Variants in TMEM150C observed in about 807,000 individuals in gnomAD.
TMEM150C encodes transmembrane protein 150C, also known as tentonin 3.
A neutral mutation model predicts 29.9 loss-of-function variants in TMEM150C; 10 were observed. The observed-to-expected ratio is 0.33, with a 90% CI of 0.21 to 0.57. The LOEUF (loss-of-function observed/expected upper bound fraction) is 0.57. Ranked by LOEUF, TMEM150C falls within the 20% of genes least tolerant of loss-of-function variation. TMEM150C has a pLI of 0.88. For missense variants in TMEM150C, 251 were observed against 303.6 expected (o/e 0.83, Z 1.29); for synonymous variants, 101 against 112.5 (o/e 0.90, Z 0.64).
chr4:82,551,746 G>C (rs1725590887), intron 1 of TMEM150C, among the ~76,000 whole-genome samples: 1 of 152,124 alleles, frequency 6.6e-6, no homozygotes, highest in Non-Finnish European at 1.5e-5. Context: ...ACCCTAGGAT[G>C]CCTCTCAATT....
At chr4:82,523,319 G>T (rs532136275) in intron 1 of TMEM150C, among the ~76,000 whole-genome samples, 88 of 152,308 alleles carry the variant, frequency 5.8e-4, no homozygotes, top group African/African-American at 2.0e-3. Context: ...GGAGGAGGCG[G>T]TGTTTGATTT....
In TMEM150C at chr4:82,490,044, T is replaced by C. The variant is rs2276884; in HGVS notation, c.541+17A>G. On this transcript the variant is annotated intron_variant, in intron 7 of 7. Transcript: ENST00000449862. ...TCATCTTACTGGCAAAAGAAGCTTTTCACGTTCAAAGGATACAGAGGACCA... is the reference window on the plus strand; with the variant it reads ...TCATCTTACTGGCAAAAGAAGCTTTCCACGTTCAAAGGATACAGAGGACCA... 0.2 allele frequency: 328,275 copies of C among 1,606,296 alleles called. 34,530 individuals carry two copies. The highest frequency in any genetic ancestry group is 0.25 in the Admixed American group (14,957 of 59,268).
chr4:82,546,524 C>A (rs1410782991), intron 1 of TMEM150C, among the ~76,000 whole-genome samples: 1 of 152,108 alleles, frequency 6.6e-6, no homozygotes, highest in Non-Finnish European at 1.5e-5. Context: ...GCTGGCTAGC[C>A]TTATGCAGAA....
At chr4:82,508,677 G>A (rs1724018562) in intron 1 of TMEM150C, among the ~76,000 whole-genome samples, 1 of 152,066 alleles carries the variant, frequency 6.6e-6, no homozygotes, top group Non-Finnish European at 1.5e-5. Context: ...TGTTGGCCAG[G>A]CTAGTCTCGA....
intron 1 of TMEM150C, among the ~76,000 whole-genome samples, chr4:82,533,734 T>C (rs1290448503): frequency 6.6e-6 from 1 of 152,092 alleles, no homozygotes; most frequent in Non-Finnish European, 1.5e-5. Flanking sequence ...GTTTAAGGAG[T>C]AGTTAAGCTA....
At chr4:82,491,345 AGT>A (rs1723339968) in intron 6 of TMEM150C, 1 of 650,210 alleles carries the variant, frequency 1.5e-6, no homozygotes, top group East Asian at 2.7e-5. Flanking sequence ...TAAGCAGCTG[AGT>A]AGCTGCTTGG....
At chr4:82,491,680 T>TTTTTTATTG in intron 6 of TMEM150C, 1 of 483,236 alleles carries the variant, frequency 2.1e-6, no homozygotes, top group South Asian at 2.9e-5. Context: ...TTTTTTTATT[T>TTTTTTATTG]TTATAGAGAT....
At chr4:82,487,815 C>A (rs6858835) in intron 7 of TMEM150C, among the ~76,000 whole-genome samples, 42,614 of 151,996 alleles carry the variant, frequency 0.28, 6,235 homozygotes, top group African/African-American at 0.34. Context: ...ATATTTTATT[C>A]TTTCCCCCCC....
chr4:82,514,152 G>C (rs940816337), intron 1 of TMEM150C, among the ~76,000 whole-genome samples: 1 of 152,234 alleles, frequency 6.6e-6, no homozygotes, highest in Non-Finnish European at 1.5e-5. Context: ...CCAAGAGCAT[G>C]AGCAAGGGCT....
intron 6 of TMEM150C, chr4:82,491,057 T>A: frequency 1.4e-6 from 1 of 726,308 alleles, no homozygotes; most frequent in Non-Finnish European, 2.5e-6. Context: ...GACGTCCCAG[T>A]CTTGCCTTCC....
chr4:82,551,028 C>T (rs543118915), intron 1 of TMEM150C, among the ~76,000 whole-genome samples: 45 of 152,192 alleles, frequency 3.0e-4, no homozygotes, highest in Admixed American at 2.0e-4. Context: ...CGGTCAGACC[C>T]TCTAGGATGA....
chr4:82,537,130 A>T (rs998126395), intron 1 of TMEM150C, among the ~76,000 whole-genome samples: 1 of 151,998 alleles, frequency 6.6e-6, no homozygotes, highest in African/African-American at 2.4e-5. Flanking sequence ...TACAGGCGCC[A>T]GCCACCACAC....
chr4:82,527,727 C>T (rs1021772227), intron 1 of TMEM150C, among the ~76,000 whole-genome samples: 5 of 152,212 alleles, frequency 3.3e-5, no homozygotes, highest in African/African-American at 4.8e-5. Context: ...CAGCTTCACA[C>T]AGTTTAACCA....
At chr4:82,527,662 C>T (rs896004726) in intron 1 of TMEM150C, among the ~76,000 whole-genome samples, 1 of 152,170 alleles carries the variant, frequency 6.6e-6, no homozygotes, top group East Asian at 1.9e-4. Flanking sequence ...GGATCTGTCC[C>T]TTCCTAACTC....
chr4:82,558,447 C>T (rs1470661859), intron 1 of TMEM150C, among the ~76,000 whole-genome samples: 1 of 152,208 alleles, frequency 6.6e-6, no homozygotes, highest in East Asian at 1.9e-4. Context: ...AAAAGAGCTT[C>T]AAGCCCTACC....
Position 82,513,493 on chromosome 4 carries a change from TA to T in TMEM150C, c.-10-8827del, listed in dbSNP as rs373786776. 3.4e-3 allele frequency among the ~76,000 whole-genome samples: 495 copies of T among 144,800 alleles called. 3 individuals are homozygous for T. The highest frequency in any genetic ancestry group is 4.4e-3 in the Non-Finnish European group (290 of 65,486). The allele number at this position is 144,800 out of a possible 152,430, so 95.0% of individuals were successfully genotyped here. On this transcript the variant is annotated intron_variant, in intron 1 of 7. Coordinates refer to ENST00000449862, the MANE Select transcript of TMEM150C (RefSeq NM_001080506.3). ...TAATGTCATGATATTTTACCACAAT[TA>T]AAAAAAAAAAGACAGTCATAAGGAA...
intron 1 of TMEM150C, among the ~76,000 whole-genome samples, chr4:82,547,108 C>G (rs538043848): frequency 6.6e-6 from 1 of 152,078 alleles, no homozygotes; most frequent in Non-Finnish European, 1.5e-5. Context: ...AGTAAACAGA[C>G]AACCTACAGA....
chr4:82,550,567 G>A (rs757048026), intron 1 of TMEM150C, among the ~76,000 whole-genome samples: 1 of 152,108 alleles, frequency 6.6e-6, no homozygotes, highest in Non-Finnish European at 1.5e-5. Context: ...TTGGGAGGCC[G>A]AGGTGGGCGG....
At chr4:82,549,053 G>C (rs749157773) in intron 1 of TMEM150C, among the ~76,000 whole-genome samples, 1 of 151,980 alleles carries the variant, frequency 6.6e-6, no homozygotes, top group Non-Finnish European at 1.5e-5. Flanking sequence ...CAGAGATGGT[G>C]ATAAAGAAGA....
Sources: gnomAD v4.1 joint callset for allele counts (sites outside exome capture counted in the v4.1 genomes callset) on GRCh38, gnomAD v4.1.1 for gene constraint, MANE v1.5 for transcripts, NCBI Gene and HGNC (gene_info 2026-07-23, HGNC 2026-07-21) for gene names.